The following CELF4 variants were observed in gnomAD, a reference collection of about 807,000 sequenced individuals.
CELF4 encodes the protein CUGBP Elav-like family member 4.
Under a neutral mutation model 59.9 loss-of-function variants are expected in CELF4, and 18 were observed. The observed-to-expected ratio is 0.30, with a 90% confidence interval of 0.21 to 0.45. The LOEUF is 0.45. Ranked by LOEUF, CELF4 falls within the 20% of genes least tolerant of loss-of-function variation. The pLI, the probability that CELF4 is intolerant of heterozygous loss-of-function variation, is 1.00. For missense variants in CELF4, 456 were observed against 689.0 expected (o/e 0.66, Z 3.79); for synonymous variants, 261 against 267.1 (o/e 0.98, Z 0.22).
At chr18:37,296,219 T>C (rs1451740891) in intron 3 of CELF4, among the ~76,000 whole-genome samples, 3 of 152,218 alleles carry the variant, frequency 2.0e-5, no homozygotes, top group Admixed American at 6.5e-5. Context: ...GCAGTGGCAC[T>C]TTCATGGCTT....
intron 2 of CELF4, among the ~76,000 whole-genome samples, chr18:37,346,029 A>C (rs560084302): frequency 1.4e-4 from 22 of 152,324 alleles, no homozygotes; most frequent in South Asian, 1.0e-3. Flanking sequence ...TGATTACTCC[A>C]AATGGCGCCC....
chr18:37,565,248 C>T, intron 1 of CELF4, 108 bp downstream of exon 1: 1 of 1,314,168 alleles, frequency 7.6e-7, no homozygotes, highest in Non-Finnish European at 1.0e-6. Context: ...CGCGCCCGCC[C>T]GAGGCTTCCT....
At chr18:37,489,742 G>A (rs760258378) in intron 1 of CELF4, among the ~76,000 whole-genome samples, 2 of 152,212 alleles carry the variant, frequency 1.3e-5, no homozygotes, top group Non-Finnish European at 2.9e-5. Flanking sequence ...GGTGGGAAAC[G>A]GGATTCTCTC....
intron 3 of CELF4, among the ~76,000 whole-genome samples, chr18:37,317,951 A>G (rs1305829933): frequency 6.6e-6 from 1 of 152,224 alleles, no homozygotes; most frequent in Admixed American, 6.5e-5. Flanking sequence ...CGATATGGCC[A>G]TGCAGTGGGC....
intron 12 of CELF4, among the ~76,000 whole-genome samples, chr18:37,249,310 G>T (rs1431005747): frequency 6.6e-6 from 1 of 152,146 alleles, no homozygotes; most frequent in African/African-American, 2.4e-5. Context: ...TGGGGGCTGT[G>T]GCAACTGCAA....
Position 37,243,206 on chromosome 18 carries a change from T to TTTTTTTTTTA in CELF4, c.*2035_*2036insTAAAAAAAAA, listed in dbSNP as rs1367490262. On this transcript the variant is annotated 3_prime_UTR_variant, in exon 13 of 13. Coordinates refer to ENST00000420428, the MANE Select transcript of CELF4 (RefSeq NM_020180.4). Reference sequence around the variant, plus strand: ...TTTTTCTTTTTTTTTTTTTTTTTTTTACATCTGGACATCCTAAAAGGAGGA... The same window carrying TTTTTTTTTTA: ...TTTTTCTTTTTTTTTTTTTTTTTTTTTTTTTTTTTAACATCTGGACATCCTAAAAGGAGGA... 1 of 145,902 alleles carries TTTTTTTTTTA rather than the reference T, an allele frequency of 6.9e-6. No individual in the cohort carries two copies. The highest frequency in any genetic ancestry group is 2.5e-5 in the African/African-American group (1 of 39,268). 9.0% of individuals were successfully genotyped at this position (145,902 alleles called of 1,614,324 possible). A position where few individuals can be genotyped will look rare whatever the true frequency, so the allele number is the denominator to read the frequency against.
chr18:37,412,438 A>G (rs2099474405), intron 2 of CELF4, among the ~76,000 whole-genome samples: 1 of 152,134 alleles, frequency 6.6e-6, no homozygotes, highest in South Asian at 2.1e-4. Context: ...AGATGGATGG[A>G]TGGATGCATG....
intron 1 of CELF4, among the ~76,000 whole-genome samples, chr18:37,518,777 C>T (rs1283534318): frequency 6.6e-6 from 1 of 152,236 alleles, no homozygotes; most frequent in Non-Finnish European, 1.5e-5. Context: ...AGCTCTACAG[C>T]TGAGCAGCTC....
intron 2 of CELF4, among the ~76,000 whole-genome samples, chr18:37,356,683 T>G (rs939580913): frequency 1.3e-5 from 2 of 152,246 alleles, no homozygotes; most frequent in African/African-American, 4.8e-5. Flanking sequence ...GCTTGACATC[T>G]GCTTTTGGCC....
chr18:37,251,304 ACT>A (rs1330855176), intron 12 of CELF4, among the ~76,000 whole-genome samples: 17 of 151,794 alleles, frequency 1.1e-4, no homozygotes, highest in African/African-American at 4.1e-4. Flanking sequence ...GGAAGAACCG[ACT>A]CTGTGTTTTA....
rs528104443 is a variant in CELF4, at chr18:37,391,864, C to T, written c.370-69983G>A. On this transcript the variant is annotated intron_variant, in intron 2 of 12. Coordinates refer to ENST00000420428, the MANE Select transcript of CELF4 (RefSeq NM_020180.4). ...GCTCAGAGGCTGCAGTGAGTGTGCT[C>T]TGCGCAGACAGGAGCAGGCAGTCGG... Among the ~76,000 whole-genome samples, 5 of 152,340 alleles carry T rather than the reference C, an allele frequency of 3.3e-5. No individual in the cohort carries two copies. The East Asian group carries it at 9.7e-4, about 29-fold the overall frequency.
At chr18:37,290,596 A>T (rs17653268) in intron 3 of CELF4, among the ~76,000 whole-genome samples, 1 of 152,118 alleles carries the variant, frequency 6.6e-6, no homozygotes, top group Non-Finnish European at 1.5e-5. Context: ...CATCTCACCC[A>T]CAAGAGCGCA....
At chr18:37,367,728 C>T (rs552653502) in intron 2 of CELF4, among the ~76,000 whole-genome samples, 8 of 149,824 alleles carry the variant, frequency 5.3e-5, no homozygotes, top group East Asian at 2.0e-4. Context: ...AGAAAGAGAA[C>T]GAAAGCACAA....
intron 2 of CELF4, among the ~76,000 whole-genome samples, chr18:37,479,353 C>T (rs570496817): frequency 3.3e-5 from 5 of 152,334 alleles, no homozygotes; most frequent in African/African-American, 1.2e-4. Context: ...ACCCTAGGCC[C>T]GGGATGGGGT....
chr18:37,349,317 C>A (rs3865391), intron 2 of CELF4, among the ~76,000 whole-genome samples: 11,018 of 152,084 alleles, frequency 0.072, 580 homozygotes, highest in African/African-American at 0.15. Flanking sequence ...AAGAGGGACA[C>A]GTTGGGGGGA....
At chr18:37,289,055 A>G (rs2095096687) in intron 3 of CELF4, among the ~76,000 whole-genome samples, 2 of 152,178 alleles carry the variant, frequency 1.3e-5, no homozygotes, top group Non-Finnish European at 2.9e-5. Flanking sequence ...ACTATGCACA[A>G]GGGACTGTGT....
chr18:37,518,383 G>A (rs928907412), intron 1 of CELF4, among the ~76,000 whole-genome samples: 3 of 152,180 alleles, frequency 2.0e-5, no homozygotes, highest in Admixed American at 1.3e-4. Context: ...TTATGACCCT[G>A]TTTATCCTCC....
chr18:37,352,345 C>T (rs2098459336), intron 2 of CELF4, among the ~76,000 whole-genome samples: 4 of 152,132 alleles, frequency 2.6e-5, no homozygotes, highest in Admixed American at 2.6e-4. Context: ...CCCCAGCCTG[C>T]AGAAGGGAAA....
chr18:37,499,714 A>G lies in CELF4; in HGVS notation c.287-14107T>C, dbSNP rs2099929319. On this transcript the variant is annotated intron_variant, in intron 1 of 12. Transcript: ENST00000420428. Reference sequence around the variant, plus strand: ...GGGTGAGGGATGGTCAATGGTTTGCATGACAGTGCTGACTGGAGGGCTCCA... The same window carrying G: ...GGGTGAGGGATGGTCAATGGTTTGCGTGACAGTGCTGACTGGAGGGCTCCA... 2.0e-5 allele frequency among the ~76,000 whole-genome samples: 3 copies of G among 152,306 alleles called. No homozygotes were observed. In the South Asian group the frequency reaches 6.2e-4, roughly 32 times the overall value.
Sources: allele counts gnomAD v4.1 joint callset (sites outside exome capture counted in the v4.1 genomes callset), GRCh38; gene constraint gnomAD v4.1.1; transcripts MANE v1.5; gene names NCBI Gene and HGNC (gene_info 2026-07-23, HGNC 2026-07-21).